Variants in GRID2 observed in about 807,000 individuals in gnomAD.
The protein encoded by GRID2 is glutamate ionotropic receptor delta type subunit 2, also known as glutamate receptor ionotropic, delta-2.
In GRID2, 33 loss-of-function variants were observed where a neutral mutation model predicts 114.8. The ratio of observed to expected loss-of-function variants is 0.29; its 90% confidence interval spans 0.22 to 0.38. GRID2 has a LOEUF of 0.38. Among genes scored for constraint, GRID2 ranks in the 10% least tolerant of loss-of-function variants. GRID2 has a pLI of 1.00. For synonymous variants in GRID2, 505 were observed against 449.9 expected (o/e 1.12, Z -1.55); for missense variants, 1,184 against 1,257.7 (o/e 0.94, Z 0.89).
At position 93,573,150 on chromosome 4, in the gene GRID2, T is replaced by C. The variant is rs148540919; in HGVS notation, c.2194-53119T>C. On this transcript the variant is annotated intron_variant, in intron 13 of 15. Transcript: ENST00000282020. ...CTGACCTGCTATTCCAAGGCAGGAA[T>C]GTGTTCAGTTAACTTTGAGTTTTTA... Among the ~76,000 whole-genome samples, 556 of 152,270 alleles carry C rather than the reference T, an allele frequency of 3.7e-3. 3 individuals carry two copies. The highest frequency in any genetic ancestry group is 0.013 in the African/African-American group (533 of 41,556).
chr4:93,366,791 G>A lies in GRID2; in HGVS notation c.1246-28816G>A, dbSNP rs574342268. Among the ~76,000 whole-genome samples the A allele has an allele frequency of 2.5e-3, 377 of 151,924 alleles. 1 individual carries two copies. The highest frequency in any genetic ancestry group is 8.5e-3 in the African/African-American group (351 of 41,462). ...TGTCCCTTTATTTCTCAAGCTGGCC[G>A]ACGCTTAAGGAAAATAGAAAAGAAC... On this transcript the variant is annotated intron_variant, in intron 8 of 15. Transcript: ENST00000282020.
rs1205096650 is a variant in GRID2, at chr4:93,371,741, CT to C, written c.1246-23843del. Among the ~76,000 whole-genome samples, 319 of 89,784 alleles carry C rather than the reference CT, an allele frequency of 3.6e-3. 1 individual carries two copies. The highest frequency in any genetic ancestry group is 9.2e-3 in the African/African-American group (197 of 21,446). The allele number at this position is 89,784 out of a possible 152,430, so 58.9% of individuals were successfully genotyped here. A position where few individuals can be genotyped will look rare whatever the true frequency, so the allele number is the denominator to read the frequency against. On this transcript the variant is annotated intron_variant, in intron 8 of 15. Transcript: ENST00000282020. ...ATTGGTATATACATAATCACTATTT[CT>C]TTTTTTTTTTTTTTTTTTTTTTGGA...
At chr4:92,640,868 T>C (rs1030965566) in intron 2 of GRID2, among the ~76,000 whole-genome samples, 2 of 151,856 alleles carry the variant, frequency 1.3e-5, no homozygotes, top group African/African-American at 4.8e-5. Context: ...TCCTTAAATA[T>C]TTACACATTA....
intron 2 of GRID2, among the ~76,000 whole-genome samples, chr4:92,959,976 C>T (rs111497600): frequency 0.015 from 2,238 of 151,342 alleles, 20 homozygotes; most frequent in East Asian, 0.053. Context: ...GCATGTTCTG[C>T]ACATGTATCC....
intron 12 of GRID2, among the ~76,000 whole-genome samples, chr4:93,493,719 G>C (rs907684320): frequency 1.3e-5 from 2 of 151,640 alleles, no homozygotes; most frequent in Admixed American, 1.3e-4. Flanking sequence ...GGAGAAGCCT[G>C]TCTCAAATTT....
intron 12 of GRID2, among the ~76,000 whole-genome samples, chr4:93,492,112 A>G (rs139702338): frequency 5.7e-4 from 86 of 151,962 alleles, no homozygotes; most frequent in East Asian, 2.7e-3. Context: ...GAAAGCTTAT[A>G]CTGGTGACCC....
rs556132408 is a variant in GRID2, at chr4:93,365,189, G to A, written c.1246-30418G>A. On this transcript the variant is annotated intron_variant, in intron 8 of 15. Transcript: ENST00000282020. The stretch of plus-strand genomic sequence containing the variant: ...TATGTACTACCTCTGAGACTTGAGG[G>A]TGATATTCTGATTTGTTTAGGGTGC... Among the ~76,000 whole-genome samples, 16 of 152,216 alleles carry A rather than the reference G, an allele frequency of 1.1e-4. No individual in the cohort carries two copies. In the South Asian group the frequency reaches 2.7e-3, roughly 26 times the overall value.
intron 2 of GRID2, among the ~76,000 whole-genome samples, chr4:93,028,098 T>G (rs951371385): frequency 3.9e-5 from 6 of 152,178 alleles, no homozygotes; most frequent in Non-Finnish European, 8.8e-5. Flanking sequence ...AATACTCATT[T>G]TGTGCCTGTA....
At chr4:93,160,719 T>C (rs1269681996) in intron 4 of GRID2, among the ~76,000 whole-genome samples, 1 of 151,710 alleles carries the variant, frequency 6.6e-6, no homozygotes, top group Non-Finnish European at 1.5e-5. Flanking sequence ...GTGTAGGCAT[T>C]TCTCTAATAG....
chr4:92,471,957 G>A (rs1722062585), intron 1 of GRID2, among the ~76,000 whole-genome samples: 1 of 43,052 alleles, frequency 2.3e-5, no homozygotes, highest in Non-Finnish European at 4.1e-5. Context: ...TTTTTGAGAC[G>A]GAGTCTCGCT....
intron 1 of GRID2, among the ~76,000 whole-genome samples, chr4:92,396,545 G>A (rs951449934): frequency 3.3e-5 from 5 of 151,830 alleles, no homozygotes; most frequent in Non-Finnish European, 5.9e-5. Context: ...AGAAGATGTG[G>A]CATATACAAT....
At chr4:93,045,848 A>G (rs1383741551) in intron 2 of GRID2, among the ~76,000 whole-genome samples, 1 of 152,178 alleles carries the variant, frequency 6.6e-6, no homozygotes, top group African/African-American at 2.4e-5. Context: ...GAAGATCATT[A>G]AAATGAACTG....
At chr4:93,722,531 G>A (rs886897301) in intron 14 of GRID2, among the ~76,000 whole-genome samples, 1 of 151,984 alleles carries the variant, frequency 6.6e-6, no homozygotes, top group African/African-American at 2.4e-5. Context: ...TAATCTTTGT[G>A]TCCCCCCAAA....
intron 13 of GRID2, among the ~76,000 whole-genome samples, chr4:93,550,205 C>A (rs2149541412): frequency 6.6e-6 from 1 of 152,204 alleles, no homozygotes; most frequent in East Asian, 1.9e-4. Context: ...CCTCAGCCTC[C>A]CAAGTAGCTG....
intron 8 of GRID2, among the ~76,000 whole-genome samples, chr4:93,350,262 A>T (rs1455791537): frequency 6.6e-6 from 1 of 152,106 alleles, no homozygotes; most frequent in Non-Finnish European, 1.5e-5. Flanking sequence ...AATCTTTCCC[A>T]ACATGCCCAG....
intron 2 of GRID2, among the ~76,000 whole-genome samples, chr4:92,669,324 C>G (rs960867266): frequency 6.6e-6 from 1 of 151,856 alleles, no homozygotes; most frequent in South Asian, 2.1e-4. Flanking sequence ...TAACTACTAA[C>G]AACCCTAAAA....
intron 13 of GRID2, among the ~76,000 whole-genome samples, chr4:93,573,124 G>A (rs553406498): frequency 1.3e-5 from 2 of 152,082 alleles, no homozygotes; most frequent in Non-Finnish European, 2.9e-5. Flanking sequence ...TACATATCAG[G>A]CTGACCTGCT....
chr4:93,220,249 TA>T (rs1330749615), intron 6 of GRID2, among the ~76,000 whole-genome samples: 1 of 151,834 alleles, frequency 6.6e-6, no homozygotes, highest in Admixed American at 6.6e-5. Flanking sequence ...TATATATATA[TA>T]TATTTTTTTA....
intron 1 of GRID2, among the ~76,000 whole-genome samples, chr4:92,496,452 A>G (rs1723394333): frequency 6.6e-6 from 1 of 151,900 alleles, no homozygotes; most frequent in Admixed American, 6.6e-5. Context: ...CCTTTTGCCA[A>G]CAGAACTTCA....
Sources: allele counts gnomAD v4.1 joint callset (sites outside exome capture counted in the v4.1 genomes callset), GRCh38; gene constraint gnomAD v4.1.1; transcripts MANE v1.5; gene names NCBI Gene and HGNC (gene_info 2026-07-23, HGNC 2026-07-21).